The following TRMT11 variants were observed in gnomAD, a reference collection of about 807,000 sequenced individuals.
TRMT11 encodes tRNA methyltransferase 11.
Under a neutral mutation model 62.8 loss-of-function variants are expected in TRMT11, and 53 were observed. That is an observed-to-expected ratio of 0.84 (90% CI 0.68 to 1.06). The LOEUF (loss-of-function observed/expected upper bound fraction) is 1.06. TRMT11 is among the 50% of genes least tolerant of loss of function. TRMT11 has a pLI of 0.00. For synonymous variants in TRMT11, 188 were observed against 190.3 expected (o/e 0.99, Z 0.10); for missense variants, 556 against 553.4 (o/e 1.00, Z -0.05).
chr6:126,155,659 A>G (rs938720261), intron 21 of TRMT11, among the ~76,000 whole-genome samples: 7 of 152,224 alleles, frequency 4.6e-5, no homozygotes, highest in African/African-American at 9.6e-5. Context: ...AAAGGGACAA[A>G]CTGGCCAAAA....
chr6:126,106,548 A>G (rs565093941), intron 17 of TRMT11, among the ~76,000 whole-genome samples: 1 of 152,310 alleles, frequency 6.6e-6, no homozygotes, highest in Admixed American at 6.5e-5. Flanking sequence ...ATTCGAAGAT[A>G]GATGTTGTAT....
the TRMT11 span, among the ~76,000 whole-genome samples, chr6:126,219,783 T>C: frequency 6.6e-6 from 1 of 152,338 alleles, no homozygotes; most frequent in Admixed American, 6.5e-5. Flanking sequence ...CCACCAAGTA[T>C]TTGCTAAATA....
At chr6:126,084,540 C>T (rs1207885307) in intron 17 of TRMT11, among the ~76,000 whole-genome samples, 1 of 152,000 alleles carries the variant, frequency 6.6e-6, no homozygotes, top group African/African-American at 2.4e-5. Flanking sequence ...TTGGTTGTTT[C>T]CTTTACTGTG....
rs527526412 is a variant in TRMT11, at chr6:126,131,634, C to A, written c.*1823+15779C>A. 2.6e-5 allele frequency among the ~76,000 whole-genome samples: 4 copies of A among 152,004 alleles called. 1 individual carries two copies. The highest frequency in any genetic ancestry group is 4.1e-4 in the South Asian group (2 of 4,820). On this transcript the variant is annotated intron_variant and NMD_transcript_variant, in intron 21 of 22. Transcript: ENST00000648977. ...TCCTTAAGTATGTTTACCTCCTGTC[C>A]CACCCACCCCACTACCACATCAGTT...
the TRMT11 span, among the ~76,000 whole-genome samples, chr6:126,222,291 A>T: frequency 2.1e-3 from 327 of 152,168 alleles, 3 homozygotes; most frequent in African/African-American, 7.4e-3. Context: ...TTAGCTATTC[A>T]GGCTCTTTTT....
At chr6:126,258,884 G>A in the TRMT11 span, among the ~76,000 whole-genome samples, 1 of 151,954 alleles carries the variant, frequency 6.6e-6, no homozygotes, top group African/African-American at 2.4e-5. Flanking sequence ...ATAGATAAAC[G>A]TGTCATGGGG....
At chr6:126,196,049 C>T (rs1778662830) in intron 1 of TRMT11, among the ~76,000 whole-genome samples, 1 of 152,200 alleles carries the variant, frequency 6.6e-6, no homozygotes, top group Admixed American at 6.5e-5. Context: ...CTGAATTAAC[C>T]AACCTTAGAA....
intron 1 of TRMT11, among the ~76,000 whole-genome samples, chr6:126,192,428 C>A (rs577384988): frequency 1.3e-5 from 2 of 152,154 alleles, no homozygotes; most frequent in African/African-American, 2.4e-5. Context: ...TGAATGCCTT[C>A]TTTTCCTTTC....
chr6:126,186,937 A>G (rs1348476492), intron 1 of TRMT11, among the ~76,000 whole-genome samples: 1 of 152,084 alleles, frequency 6.6e-6, no homozygotes, highest in Admixed American at 6.6e-5. Flanking sequence ...ATTAATGATA[A>G]AAATTTCTCT....
At chr6:125,999,661 T>C (rs778305848) in intron 7 of TRMT11, 48 bp downstream of exon 7, 2 of 1,502,378 alleles carry the variant, frequency 1.3e-6, no homozygotes, top group Non-Finnish European at 1.8e-6. Flanking sequence ...TGCTTATTTA[T>C]ATTAATGAAG....
At chr6:126,239,265 T>A in the TRMT11 span, among the ~76,000 whole-genome samples, 1 of 152,190 alleles carries the variant, frequency 6.6e-6, no homozygotes, top group Non-Finnish European at 1.5e-5. Flanking sequence ...GTTAGCTGGT[T>A]ATTTTGCTCG....
intron 21 of TRMT11, among the ~76,000 whole-genome samples, chr6:126,132,920 A>C (rs1030908934): frequency 1.2e-4 from 19 of 152,020 alleles, no homozygotes; most frequent in African/African-American, 4.6e-4. Flanking sequence ...TTTTGCCAAA[A>C]CTTTTTTTCC....
At chr6:126,249,219 T>A in the TRMT11 span, among the ~76,000 whole-genome samples, 1 of 152,128 alleles carries the variant, frequency 6.6e-6, no homozygotes, top group Non-Finnish European at 1.5e-5. Flanking sequence ...AGAAAAATAA[T>A]TTCCTATCAT....
At chr6:126,089,319 G>T (rs1777248283) in intron 17 of TRMT11, among the ~76,000 whole-genome samples, 1 of 152,026 alleles carries the variant, frequency 6.6e-6, no homozygotes, top group African/African-American at 2.4e-5. Flanking sequence ...TCACCATGTT[G>T]GCCAGGCTGG....
intron 21 of TRMT11, among the ~76,000 whole-genome samples, chr6:126,140,210 T>TA (rs1324010540): frequency 1.3e-5 from 2 of 152,062 alleles, no homozygotes; most frequent in Non-Finnish European, 1.5e-5. Context: ...ACCATCCTTG[T>TA]ATTCCTGGGA....
chr6:126,051,566 A>G (rs1305630824), intron 16 of TRMT11, among the ~76,000 whole-genome samples: 1 of 152,174 alleles, frequency 6.6e-6, no homozygotes, highest in Admixed American at 6.5e-5. Flanking sequence ...AGAAGCTGGA[A>G]TGCTGATCAG....
At chr6:126,052,112 C>T in intron 16 of TRMT11, among the ~76,000 whole-genome samples, 1 of 152,102 alleles carries the variant, frequency 6.6e-6, no homozygotes, top group East Asian at 1.9e-4. Flanking sequence ...AAAATTTCTC[C>T]ACTGTGCCAC....
At chr6:126,058,102 C>T (rs961146131) in intron 17 of TRMT11, among the ~76,000 whole-genome samples, 1 of 152,148 alleles carries the variant, frequency 6.6e-6, no homozygotes, top group Non-Finnish European at 1.5e-5. Flanking sequence ...CTATCCCACT[C>T]CTAGCCCCCC....
At chr6:126,049,662 T>A (rs1776156581) in intron 16 of TRMT11, among the ~76,000 whole-genome samples, 1 of 152,336 alleles carries the variant, frequency 6.6e-6, no homozygotes, top group Non-Finnish European at 1.5e-5. Flanking sequence ...CATAAAAAGA[T>A]AGTTAACACA....
Sources: gnomAD v4.1 joint callset for allele counts (sites outside exome capture counted in the v4.1 genomes callset) on GRCh38, gnomAD v4.1.1 for gene constraint, MANE v1.5 for transcripts, NCBI Gene and HGNC (gene_info 2026-07-23, HGNC 2026-07-21) for gene names.